Variants in TRPM6 observed in about 807,000 individuals in gnomAD.
TRPM6 encodes transient receptor potential cation channel subfamily M member 6, also known as channel kinase 2.
In TRPM6, 111 loss-of-function variants were observed where a neutral mutation model predicts 247.6. The observed-to-expected ratio is 0.45, with a 90% CI of 0.38 to 0.52. The LOEUF (loss-of-function observed/expected upper bound fraction) is 0.52. Ranked by LOEUF, TRPM6 falls within the 20% of genes least tolerant of loss-of-function variation. The pLI is 0.00. For synonymous variants in TRPM6, 892 were observed against 853.8 expected (o/e 1.04, Z -0.78); for missense variants, 2,126 against 2,421.5 (o/e 0.88, Z 2.56).
In TRPM6 at chr9:74,800,312, A is replaced by T; in HGVS notation, c.2180T>A (p.Met727Lys). Reference sequence around the variant, plus strand: ...CCCCATCCACATGTCTGTCAGTAGCATCTGGGTACAAGTATGTGAAACAAA... The same window carrying T: ...CCCCATCCACATGTCTGTCAGTAGCTTCTGGGTACAAGTATGTGAAACAAA... The part of the protein sequence containing the change: ...RPFVSHTCTQ[M>K]LLTDMWMGRL... The change falls in exon 17 of 39, where the codon ATG (methionine) becomes AAG (lysine). Residue 727 changes from methionine (M) to lysine (K), a missense_variant. By Grantham distance (95) the Met-to-Lys change is moderately conservative. This residue lies in a region of TRPM6 where 1,082 missense variants were observed against 1,307.9 expected (regional missense o/e 0.83). Coordinates refer to ENST00000360774, the MANE Select transcript of TRPM6 (RefSeq NM_017662.5). 1 of 1,614,174 alleles carries T rather than the reference A, an allele frequency of 6.2e-7. No homozygotes were observed. Among genetic ancestry groups the T allele is most frequent in the Middle Eastern group, 1.6e-4 (1 of 6,062 alleles).
chr9:74,852,550 C>A (rs1830366742), intron 3 of TRPM6, among the ~76,000 whole-genome samples: 1 of 152,110 alleles, frequency 6.6e-6, no homozygotes, highest in Non-Finnish European at 1.5e-5. Context: ...CTAGCCAAGG[C>A]GGACTGTGCC....
At chr9:74,796,518 C>T (rs1353157277) in intron 18 of TRPM6, among the ~76,000 whole-genome samples, 2 of 152,132 alleles carry the variant, frequency 1.3e-5, no homozygotes, top group African/African-American at 4.8e-5. Context: ...ACATAATATA[C>T]CTGACCATAG....
At chr9:74,871,572 A>T (rs573538539) in intron 1 of TRPM6, among the ~76,000 whole-genome samples, 52 of 152,322 alleles carry the variant, frequency 3.4e-4, no homozygotes, top group African/African-American at 8.9e-4. Flanking sequence ...TTCATCTTAC[A>T]CAACATACAT....
chr9:74,772,416 C>T (rs1827079248), intron 24 of TRPM6, among the ~76,000 whole-genome samples: 1 of 152,322 alleles, frequency 6.6e-6, no homozygotes. Context: ...AAGAAAAATT[C>T]ACTGCGTTTA....
intron 23 of TRPM6, among the ~76,000 whole-genome samples, chr9:74,780,128 C>T (rs965897488): frequency 3.4e-5 from 5 of 149,162 alleles, no homozygotes; most frequent in Admixed American, 6.7e-5. Context: ...GCCGAGATAA[C>T]ACCAGTGCAG....
chr9:74,808,168 G>A lies in TRPM6; in HGVS notation c.1504C>T (p.Leu502Phe). The part of the protein sequence containing the change: ...HLVQDVKQHT[L>F]LSGYRITLID... ...AAGGTTATTCGGTAGCCTGAAAGAA[G>A]GGTATGCTGCAACAAAAACATGCAA... The change falls in exon 14 of 39, where the codon CTT (leucine) becomes TTT (phenylalanine). Residue 502 changes from leucine to phenylalanine, a missense_variant. Leu to Phe is a conservative substitution (Grantham distance 22, BLOSUM62 0). Around this residue, in one of 3 missense-constraint regions of TRPM6, gnomAD observed 1,082 missense variants for 1,307.9 expected, o/e 0.83. Coordinates refer to ENST00000360774, the MANE Select transcript of TRPM6 (RefSeq NM_017662.5). The A allele has an allele frequency of 6.2e-7, 1 of 1,613,888 alleles. No individual in the cohort carries two copies. Among genetic ancestry groups the A allele is most frequent in the Non-Finnish European group, 8.5e-7 (1 of 1,179,874 alleles).
chr9:74,863,070 C>T (rs939204183), intron 1 of TRPM6, among the ~76,000 whole-genome samples: 1 of 151,638 alleles, frequency 6.6e-6, no homozygotes, highest in African/African-American at 2.4e-5. Context: ...TTTTTTGAGA[C>T]GGAGTTTCTC....
In TRPM6 at chr9:74,737,317, G is replaced by C. The variant is rs1158957806; in HGVS notation, c.5776+1090C>G. ...AAATTTGTGTCACATCCTTGAGCAT[G>C]TGACACAAGTTTCAATCAAAGTACT... On this transcript the variant is annotated intron_variant, in intron 36 of 38. Transcript: ENST00000360774. The C allele has an allele frequency of 3.2e-6, 4 of 1,246,044 alleles. No individual in the cohort carries two copies. In the South Asian group the frequency reaches 5.2e-5, roughly 16 times the overall value. The allele number at this position is 1,246,044 out of a possible 1,614,324, so 77.2% of individuals were successfully genotyped here. A position where few individuals can be genotyped will look rare whatever the true frequency, so the allele number is the denominator to read the frequency against.
chr9:74,844,685 T>G (rs1181444035), intron 3 of TRPM6, among the ~76,000 whole-genome samples: 1 of 152,204 alleles, frequency 6.6e-6, no homozygotes, highest in Non-Finnish European at 1.5e-5. Context: ...ATAAAGTTGT[T>G]TCTTTTTTTA....
At chr9:74,783,224 A>G (rs1307129499) in intron 21 of TRPM6, among the ~76,000 whole-genome samples, 1 of 152,168 alleles carries the variant, frequency 6.6e-6, no homozygotes, top group African/African-American at 2.4e-5. Flanking sequence ...AATTAGTCCA[A>G]TGGCTCCTTA....
intron 1 of TRPM6, among the ~76,000 whole-genome samples, chr9:74,881,889 T>C (rs1002159410): frequency 6.6e-6 from 1 of 152,146 alleles, no homozygotes; most frequent in Non-Finnish European, 1.5e-5. Context: ...AACACAGAAG[T>C]AATTCCACAT....
In TRPM6 at chr9:74,795,755, A is replaced by T. The variant is rs374564298; in HGVS notation, c.2391+986T>A. Among the ~76,000 whole-genome samples, 17 of 152,338 alleles carry T rather than the reference A, an allele frequency of 1.1e-4. No homozygotes were observed. In the East Asian group the frequency reaches 2.7e-3, roughly 24 times the overall value. The stretch of plus-strand genomic sequence containing the variant: ...AGTCATCACAGGTCATGTTTTCAAG[A>T]GGTTATCAGCTAAAAAGATCTAAAT... On this transcript the variant is annotated intron_variant, in intron 18 of 38. Transcript: ENST00000360774.
At chr9:74,887,297 G>A in intron 1 of TRPM6, 2 of 1,363,688 alleles carry the variant, frequency 1.5e-6, no homozygotes, top group Non-Finnish European at 1.9e-6. Flanking sequence ...GGGACGCGCA[G>A]GGGCGCGGAG....
chr9:74,804,547 C>T (rs539093015), intron 14 of TRPM6: 7 of 736,596 alleles, frequency 9.5e-6, no homozygotes, highest in South Asian at 6.9e-5. Context: ...GCTGCAAACG[C>T]GGTGACCAAG....
intron 1 of TRPM6, among the ~76,000 whole-genome samples, chr9:74,870,911 T>C (rs1424332818): frequency 2.0e-5 from 3 of 151,554 alleles, no homozygotes; most frequent in Non-Finnish European, 4.4e-5. Context: ...CCAGCCTAGG[T>C]GACAGAGAGA....
At chr9:74,727,843 C>A (rs768104840) in intron 38 of TRPM6, among the ~76,000 whole-genome samples, 1 of 152,070 alleles carries the variant, frequency 6.6e-6, no homozygotes, top group Non-Finnish European at 1.5e-5. Context: ...TCCCAAGTAC[C>A]CAATGGCGAA....
intron 24 of TRPM6, among the ~76,000 whole-genome samples, chr9:74,774,068 T>C (rs1827135256): frequency 6.6e-6 from 1 of 152,200 alleles, no homozygotes; most frequent in African/African-American, 2.4e-5. Flanking sequence ...TTCCTGTAAT[T>C]GTCCGCAAGG....
chr9:74,753,977 G>A (rs1256169916), intron 28 of TRPM6, among the ~76,000 whole-genome samples: 2 of 151,730 alleles, frequency 1.3e-5, no homozygotes, highest in South Asian at 4.2e-4. Flanking sequence ...TGTATCTCTC[G>A]ATGTTTGAAA....
intron 24 of TRPM6, among the ~76,000 whole-genome samples, chr9:74,775,472 C>T (rs745678710): frequency 6.6e-6 from 1 of 152,174 alleles, no homozygotes; most frequent in African/African-American, 2.4e-5. Flanking sequence ...CTTATCTTTT[C>T]TCTTAGACCC....
Sources: allele counts gnomAD v4.1 joint callset (sites outside exome capture counted in the v4.1 genomes callset), GRCh38; gene constraint gnomAD v4.1.1; regional missense constraint gnomAD v4.1.1; transcripts MANE v1.5; gene names NCBI Gene and HGNC (gene_info 2026-07-23, HGNC 2026-07-21).